Variants in SEMA3D observed in about 807,000 individuals in gnomAD.
SEMA3D encodes the protein semaphorin-3D.
In SEMA3D, 84 loss-of-function variants were observed where a neutral mutation model predicts 100.1. That is an observed-to-expected ratio of 0.84 (90% CI 0.70 to 1.01). The LOEUF (loss-of-function observed/expected upper bound fraction) is 1.01. SEMA3D is among the 50% of genes least tolerant of loss of function. The pLI is 0.00. For missense variants in SEMA3D, 875 were observed against 934.1 expected (o/e 0.94, Z 0.82); for synonymous variants, 312 against 320.7 (o/e 0.97, Z 0.29).
At chr7:85,028,106 G>A (rs146900149) in intron 12 of SEMA3D, 20 of 630,574 alleles carry the variant, frequency 3.2e-5, no homozygotes, top group East Asian at 2.2e-4. Flanking sequence ...GGCCTTTCAC[G>A]GTGGTAAATG....
At chr7:85,144,694 G>C (rs1790151611) in intron 2 of SEMA3D, 1 of 984,948 alleles carries the variant, frequency 1.0e-6, no homozygotes, top group Admixed American at 6.2e-5. Context: ...TTAAAGCTGT[G>C]TTTGTTCTTA....
chr7:85,030,610 C>T (rs568729215), intron 12 of SEMA3D, among the ~76,000 whole-genome samples: 2 of 152,060 alleles, frequency 1.3e-5, no homozygotes, highest in African/African-American at 2.4e-5. Flanking sequence ...TTCTCCTCAC[C>T]TTTTTGATAA....
chr7:85,125,170 T>G (rs1433345020), intron 2 of SEMA3D, among the ~76,000 whole-genome samples: 1 of 152,136 alleles, frequency 6.6e-6, no homozygotes, highest in Non-Finnish European at 1.5e-5. Context: ...AAATACCTTT[T>G]TATGACATGT....
intron 12 of SEMA3D, among the ~76,000 whole-genome samples, chr7:85,030,392 G>T (rs17159573): frequency 0.04 from 6,045 of 151,948 alleles, 354 homozygotes; most frequent in East Asian, 0.22. Context: ...AGACTTAGTT[G>T]GGAAATCCAC....
chr7:85,225,072 A>G, the SEMA3D span, among the ~76,000 whole-genome samples: 12 of 11,836 alleles, frequency 1.0e-3, no homozygotes, highest in Non-Finnish European at 1.5e-3. Flanking sequence ...ATATATATAT[A>G]TATATATATA....
At chr7:85,088,442 C>T (rs1788286933) in intron 4 of SEMA3D, among the ~76,000 whole-genome samples, 1 of 151,996 alleles carries the variant, frequency 6.6e-6, no homozygotes, top group Non-Finnish European at 1.5e-5. Context: ...TCATAAAAAC[C>T]TAATTAAAGA....
At chr7:85,099,916 A>G (rs975079348) in intron 3 of SEMA3D, among the ~76,000 whole-genome samples, 5 of 151,888 alleles carry the variant, frequency 3.3e-5, no homozygotes, top group South Asian at 2.1e-4. Context: ...TTCTTTGTAT[A>G]TTTTGGATTA....
intron 1 of SEMA3D, among the ~76,000 whole-genome samples, chr7:85,161,125 T>A (rs1449173711): frequency 6.6e-6 from 1 of 152,112 alleles, no homozygotes; most frequent in East Asian, 1.9e-4. Flanking sequence ...AGAAAATTAA[T>A]AATAATTCAA....
rs764630171 is a variant in SEMA3D at position 85,055,833 on chromosome 7, T to A, written c.745A>T (p.Ile249Leu). The A allele has an allele frequency of 1.3e-6, 2 of 1,571,012 alleles. No homozygotes were observed. The highest frequency in any genetic ancestry group is 1.7e-6 in the Non-Finnish European group (2 of 1,150,600). ...NGAKFIGTFF[I>L]PDTYNPDDDK... ...TCATCTGGATTGTAGGTGTCTGGTA[T>A]GAAGAAAGTTCCAATAAATTTTGCT... is the stretch of plus-strand genomic sequence containing the variant. The change falls in exon 9 of 19, where the codon ATA becomes TTA. Residue 249 changes from isoleucine to leucine, a missense_variant. Transcript: ENST00000284136.
chr7:85,178,865 G>A (rs981494659), intron 1 of SEMA3D, among the ~76,000 whole-genome samples: 14 of 152,176 alleles, frequency 9.2e-5, no homozygotes, highest in Non-Finnish European at 1.6e-4. Context: ...GGGCCTCCCT[G>A]CTGTGTGCAG....
intron 8 of SEMA3D, among the ~76,000 whole-genome samples, chr7:85,058,984 G>T (rs1791402544): frequency 6.6e-6 from 1 of 152,056 alleles, no homozygotes; most frequent in Non-Finnish European, 1.5e-5. Context: ...ATTGACAAAT[G>T]GTCAAGACAT....
intron 4 of SEMA3D, among the ~76,000 whole-genome samples, chr7:85,097,510 T>A (rs1479918199): frequency 6.6e-6 from 1 of 151,870 alleles, no homozygotes; most frequent in African/African-American, 2.4e-5. Context: ...GTCTCAAACT[T>A]TCCATTTCTA....
intron 12 of SEMA3D, among the ~76,000 whole-genome samples, chr7:85,031,495 G>C (rs939299475): frequency 6.6e-6 from 1 of 151,964 alleles, no homozygotes; most frequent in Non-Finnish European, 1.5e-5. Context: ...CTTGTGCAGA[G>C]AATAGACAAA....
intron 2 of SEMA3D, 73 bp from the exon 3 acceptor site, chr7:85,122,004 A>C (rs999919838): frequency 8.8e-6 from 6 of 681,738 alleles, no homozygotes; most frequent in Non-Finnish European, 1.4e-5. Flanking sequence ...ACCAAATACC[A>C]TATCATCTCA....
At chr7:85,101,666 C>A (rs912680603) in intron 3 of SEMA3D, among the ~76,000 whole-genome samples, 4 of 151,982 alleles carry the variant, frequency 2.6e-5, no homozygotes, top group Non-Finnish European at 1.5e-5. Context: ...ATTATAATAA[C>A]AATGATGTAT....
chr7:85,180,005 G>A (rs1335620625), intron 1 of SEMA3D, among the ~76,000 whole-genome samples: 3 of 152,164 alleles, frequency 2.0e-5, no homozygotes, highest in Non-Finnish European at 2.9e-5. Flanking sequence ...TAAGACTTTG[G>A]GGAACTGTTG....
At chr7:85,192,177 A>T in the SEMA3D span, among the ~76,000 whole-genome samples, 1 of 152,112 alleles carries the variant, frequency 6.6e-6, no homozygotes, top group African/African-American at 2.4e-5. Context: ...ATTACAAAAA[A>T]TGCCCAACAT....
At chr7:85,093,801 T>A (rs1208111004) in intron 4 of SEMA3D, among the ~76,000 whole-genome samples, 1 of 151,978 alleles carries the variant, frequency 6.6e-6, no homozygotes, top group African/African-American at 2.4e-5. Context: ...ATAAAAATCA[T>A]CCCCTTATTC....
chr7:85,236,803 C>CT, the SEMA3D span, among the ~76,000 whole-genome samples: 6 of 151,898 alleles, frequency 4.0e-5, no homozygotes, highest in Non-Finnish European at 7.4e-5. Context: ...TTGAATTAAG[C>CT]CAGATAATGT....
Sources: allele counts gnomAD v4.1 joint callset (sites outside exome capture counted in the v4.1 genomes callset), GRCh38; gene constraint gnomAD v4.1.1; transcripts MANE v1.5; gene names NCBI Gene and HGNC (gene_info 2026-07-23, HGNC 2026-07-21).